The following CEP70 variants were observed in gnomAD, a reference collection of about 807,000 sequenced individuals.
CEP70 encodes centrosomal protein of 70 kDa.
CEP70 carries 70 observed loss-of-function variants against 90.9 expected under a neutral mutation model. The ratio of observed to expected loss-of-function variants is 0.77; its 90% CI spans 0.64 to 0.94. CEP70 has a LOEUF of 0.94. Among genes scored for constraint, CEP70 ranks in the 40% least tolerant of loss-of-function variants. The pLI is 0.00. For missense variants in CEP70, 648 were observed against 669.0 expected (o/e 0.97, Z 0.35); for synonymous variants, 220 against 228.3 (o/e 0.96, Z 0.33).
In CEP70 at chr3:138,537,290, A is replaced by G. The variant is rs1417086365; in HGVS notation, c.523T>C (p.Leu175=). The change falls in exon 7 of 18, where the codon TTG becomes CTG. Residue 175 remains leucine (L), a synonymous_variant. Transcript: ENST00000264982. ...TTTAATCTACAGACTTCCATTTGCAAAGAAGCAATAGTTTCTTCTTGCTCC... is the reference window on the plus strand; with the variant it reads ...TTTAATCTACAGACTTCCATTTGCAGAGAAGCAATAGTTTCTTCTTGCTCC... ...RTEQEETIAS[L]QMEVCRLKKE... 2 of 1,608,990 alleles carry G rather than the reference A, an allele frequency of 1.2e-6. No homozygotes were observed. Among genetic ancestry groups the G allele is most frequent in the Non-Finnish European group, 1.7e-6 (2 of 1,177,962 alleles).
chr3:138,553,140 T>C (rs2039739307), intron 6 of CEP70, among the ~76,000 whole-genome samples: 1 of 151,624 alleles, frequency 6.6e-6, no homozygotes, highest in Non-Finnish European at 1.5e-5. Context: ...TTCGAAACCC[T>C]AGACAGACCA....
intron 2 of CEP70, among the ~76,000 whole-genome samples, chr3:138,587,407 A>T (rs928506975): frequency 6.6e-6 from 1 of 152,106 alleles, no homozygotes; most frequent in Admixed American, 6.5e-5. Flanking sequence ...AGAACCAATT[A>T]AAAAAACTAT....
intron 11 of CEP70, among the ~76,000 whole-genome samples, chr3:138,519,337 C>T (rs573089188): frequency 6.6e-6 from 1 of 152,192 alleles, no homozygotes; most frequent in Non-Finnish European, 1.5e-5. Context: ...GAGAATGCCA[C>T]AAAGATACTC....
At chr3:138,500,329 T>G in intron 15 of CEP70, 70 bp downstream of exon 15, 3 of 1,521,732 alleles carry the variant, frequency 2.0e-6, no homozygotes, top group Non-Finnish European at 2.7e-6. Context: ...TAAACATTTT[T>G]TAATCTACTT....
chr3:138,499,932 A>G, intron 16 of CEP70, 178 bp downstream of exon 16: 2 of 547,444 alleles, frequency 3.7e-6, no homozygotes, highest in Non-Finnish European at 6.7e-6. Context: ...TCTCGATAAT[A>G]CTTATTTTAA....
chr3:138,539,784 C>A (rs1179287092), intron 6 of CEP70, among the ~76,000 whole-genome samples: 1 of 152,112 alleles, frequency 6.6e-6, no homozygotes, highest in East Asian at 1.9e-4. Flanking sequence ...CAAATTTACA[C>A]AAAGATATAA....
At chr3:138,520,479 CTG>C (rs1332403292) in intron 11 of CEP70, among the ~76,000 whole-genome samples, 14 of 152,112 alleles carry the variant, frequency 9.2e-5, no homozygotes, top group African/African-American at 3.4e-4. Context: ...TTATAACAAA[CTG>C]TCTCTCAGAC....
At chr3:138,524,654 C>A (rs570929238) in intron 11 of CEP70, among the ~76,000 whole-genome samples, 1 of 152,098 alleles carries the variant, frequency 6.6e-6, no homozygotes, top group Admixed American at 6.6e-5. Flanking sequence ...CCAAAAGACA[C>A]GTGAAAAAAT....
chr3:138,498,177 G>T, intron 16 of CEP70, 67 bp from the exon 17 acceptor site: 1 of 1,115,562 alleles, frequency 9.0e-7, no homozygotes, highest in Non-Finnish European at 1.3e-6. Flanking sequence ...ATTGCAAACA[G>T]AACATTTTCA....
chr3:138,511,170 C>A (rs969347539), intron 11 of CEP70, among the ~76,000 whole-genome samples: 4 of 152,190 alleles, frequency 2.6e-5, no homozygotes, highest in South Asian at 2.1e-4. Context: ...CGTGCCCCCC[C>A]AGTCCTAACA....
intron 11 of CEP70, among the ~76,000 whole-genome samples, chr3:138,511,719 A>C (rs2035556891): frequency 3.3e-5 from 5 of 152,202 alleles, no homozygotes. Flanking sequence ...GATGATAACT[A>C]GTAGGTACTG....
chr3:138,533,032 A>G (rs951010571), intron 7 of CEP70, among the ~76,000 whole-genome samples: 3 of 152,242 alleles, frequency 2.0e-5, no homozygotes, highest in African/African-American at 7.2e-5. Flanking sequence ...CTGTAATCCC[A>G]GCACTTTGGG....
At chr3:138,505,713 C>A (rs1430705545) in intron 12 of CEP70, among the ~76,000 whole-genome samples, 1 of 152,062 alleles carries the variant, frequency 6.6e-6, no homozygotes, top group African/African-American at 2.4e-5. Flanking sequence ...CAGACTGAGA[C>A]CCCTGCAAGT....
At chr3:138,519,363 T>C (rs2036377606) in intron 11 of CEP70, among the ~76,000 whole-genome samples, 1 of 151,950 alleles carries the variant, frequency 6.6e-6, no homozygotes, top group African/African-American at 2.4e-5. Context: ...GAAGAGCAAC[T>C]CCAAGACACA....
chr3:138,504,699 T>C (rs2034817283), intron 13 of CEP70, among the ~76,000 whole-genome samples: 1 of 152,292 alleles, frequency 6.6e-6, no homozygotes, highest in Non-Finnish European at 1.5e-5. Flanking sequence ...AACCTGAAGC[T>C]ATGCAATAAA....
rs768621012 is a variant in CEP70, at chr3:138,532,560, G to GTAA, written c.645_646insTTA (p.Leu216dup). 13 of 1,503,728 alleles carry GTAA rather than the reference G, an allele frequency of 8.6e-6. No individual in the cohort carries two copies. The highest frequency in any genetic ancestry group is 1.1e-5 in the Non-Finnish European group (12 of 1,124,380). 93.1% of individuals were successfully genotyped at this position (1,503,728 alleles called of 1,614,324 possible). On this transcript the variant is annotated inframe_insertion, in exon 8 of 18. Coordinates refer to ENST00000264982, the MANE Select transcript of CEP70 (RefSeq NM_024491.4). Reference sequence around the variant, plus strand: ...ATTTTAGATTCATAGTAATCAATTAGACAAAGCAACCTAGAAAACAGAATA... The same window carrying GTAA: ...ATTTTAGATTCATAGTAATCAATTAGTAAACAAAGCAACCTAGAAAACAGAATA...
At chr3:138,500,337 C>A (rs2034377181) in intron 15 of CEP70, 62 bp downstream of exon 15, 2 of 1,524,542 alleles carry the variant, frequency 1.3e-6, no homozygotes, top group African/African-American at 2.8e-5. Context: ...TTTTAATCTA[C>A]TTTTTGTTAA....
intron 6 of CEP70, among the ~76,000 whole-genome samples, chr3:138,550,630 T>A (rs973847967): frequency 6.6e-6 from 1 of 152,184 alleles, no homozygotes; most frequent in African/African-American, 2.4e-5. Flanking sequence ...CCCAAAGTGC[T>A]GGGATTACAG....
intron 7 of CEP70, among the ~76,000 whole-genome samples, chr3:138,534,634 C>T (rs2038109535): frequency 6.6e-6 from 1 of 152,162 alleles, no homozygotes; most frequent in Non-Finnish European, 1.5e-5. Context: ...CTCCTTGAAA[C>T]ACTTTTGTTC....
Sources: allele counts gnomAD v4.1 joint callset (sites outside exome capture counted in the v4.1 genomes callset), GRCh38; gene constraint gnomAD v4.1.1; transcripts MANE v1.5; gene names NCBI Gene and HGNC (gene_info 2026-07-23, HGNC 2026-07-21).